ADK: variants seen among roughly 807,000 people sequenced by gnomAD.
The protein encoded by ADK is N6,N6-dimethyladenosine kinase.
Under a neutral mutation model 44.7 loss-of-function variants are expected in ADK, and 24 were observed. That is an observed-to-expected ratio of 0.54 (90% CI 0.39 to 0.76). The LOEUF is 0.76. Ranked by LOEUF, ADK falls within the 30% of genes least tolerant of loss-of-function variation. The pLI, the probability that ADK is intolerant of heterozygous loss-of-function variation, is 0.00. For synonymous variants in ADK, 128 were observed against 142.6 expected (o/e 0.90, Z 0.73); for missense variants, 321 against 425.1 (o/e 0.76, Z 2.15).
At chr10:74,196,467 G>A (rs1169190309) in intron 1 of ADK, among the ~76,000 whole-genome samples, 1 of 152,118 alleles carries the variant, frequency 6.6e-6, no homozygotes, top group African/African-American at 2.4e-5. Context: ...TTGAACCTGG[G>A]AGGCGGAGTT....
chr10:74,683,495 A>G (rs1000897227), intron 10 of ADK, among the ~76,000 whole-genome samples: 1 of 152,216 alleles, frequency 6.6e-6, no homozygotes, highest in African/African-American at 2.4e-5. Context: ...TTTCATTAAT[A>G]GAAAGAAGGT....
At chr10:74,346,727 A>C (rs960846517) in intron 4 of ADK, among the ~76,000 whole-genome samples, 1 of 152,138 alleles carries the variant, frequency 6.6e-6, no homozygotes, top group African/African-American at 2.4e-5. Flanking sequence ...TTAGAGTGCC[A>C]CGACAGTTCC....
intron 1 of ADK, among the ~76,000 whole-genome samples, chr10:74,185,554 C>T (rs1248489102): frequency 2.0e-5 from 3 of 149,688 alleles, no homozygotes; most frequent in East Asian, 1.9e-4. Flanking sequence ...AGTCGTCGGC[C>T]GGGCGCGGTG....
At chr10:74,683,883 C>T (rs906381777) in intron 10 of ADK, among the ~76,000 whole-genome samples, 3 of 152,186 alleles carry the variant, frequency 2.0e-5, no homozygotes, top group Non-Finnish European at 4.4e-5. Context: ...ACAACCTTAT[C>T]GATGGGCCTC....
intron 6 of ADK, among the ~76,000 whole-genome samples, chr10:74,509,742 C>G (rs79634176): frequency 6.6e-6 from 1 of 152,174 alleles, no homozygotes; most frequent in East Asian, 1.9e-4. Flanking sequence ...TCCTTTCCCC[C>G]TACTTTCCCA....
At chr10:74,472,237 A>G (rs1846618956) in intron 6 of ADK, among the ~76,000 whole-genome samples, 1 of 152,018 alleles carries the variant, frequency 6.6e-6, no homozygotes, top group African/African-American at 2.4e-5. Context: ...TCCTTGCTTT[A>G]TTCATTGTCT....
intron 7 of ADK, among the ~76,000 whole-genome samples, chr10:74,548,213 TC>T (rs1252768101): frequency 1.8e-4 from 27 of 152,318 alleles, no homozygotes; most frequent in African/African-American, 5.3e-4. Flanking sequence ...CTGTTTGTTT[TC>T]TTTTCAGTAT....
intron 9 of ADK, among the ~76,000 whole-genome samples, chr10:74,640,725 A>G (rs1853813379): frequency 2.0e-5 from 3 of 152,186 alleles, no homozygotes; most frequent in African/African-American, 7.2e-5. Flanking sequence ...TATATAAACA[A>G]ATGGGTGTGG....
At chr10:74,254,838 A>G (rs1304714217) in intron 3 of ADK, among the ~76,000 whole-genome samples, 1 of 152,206 alleles carries the variant, frequency 6.6e-6, no homozygotes, top group East Asian at 1.9e-4. Flanking sequence ...GCCAAGTGTG[A>G]TACCTTCCTT....
At chr10:74,446,356 C>G (rs1845586028) in intron 6 of ADK, among the ~76,000 whole-genome samples, 1 of 151,974 alleles carries the variant, frequency 6.6e-6, no homozygotes. Flanking sequence ...TTTAAAAAAC[C>G]TATTTTCCAG....
intron 3 of ADK, among the ~76,000 whole-genome samples, chr10:74,234,806 A>G (rs1362010978): frequency 4.6e-5 from 7 of 152,156 alleles, no homozygotes; most frequent in African/African-American, 1.7e-4. Flanking sequence ...GACTTTTTCA[A>G]TAATTTAGAA....
chr10:74,705,320 G>A (rs1464480566), intron 10 of ADK, among the ~76,000 whole-genome samples: 3 of 152,326 alleles, frequency 2.0e-5, no homozygotes, highest in African/African-American at 7.2e-5. Context: ...CCCCTAAGGG[G>A]AAGGTAGCCC....
chr10:74,199,866 G>A (rs1485512392), intron 1 of ADK, among the ~76,000 whole-genome samples: 1 of 151,866 alleles, frequency 6.6e-6, no homozygotes, highest in Non-Finnish European at 1.5e-5. Context: ...TTTTTATACA[G>A]ATGGGGTTTC....
chr10:74,332,575 T>C (rs1380628834), intron 4 of ADK, among the ~76,000 whole-genome samples: 3 of 152,188 alleles, frequency 2.0e-5, no homozygotes, highest in African/African-American at 7.2e-5. Context: ...AAACCATATG[T>C]AGCTTTTTTA....
At chr10:74,478,757 G>A (rs937370351) in intron 6 of ADK, among the ~76,000 whole-genome samples, 2 of 152,080 alleles carry the variant, frequency 1.3e-5, no homozygotes, top group African/African-American at 4.8e-5. Flanking sequence ...TTAATACTTA[G>A]CATATAGCTA....
chr10:74,431,494 A>T (rs1258937179), intron 6 of ADK, among the ~76,000 whole-genome samples: 3 of 152,156 alleles, frequency 2.0e-5, no homozygotes, highest in African/African-American at 7.2e-5. Context: ...TAATCCCAAC[A>T]CTTTGGGAGG....
intron 6 of ADK, among the ~76,000 whole-genome samples, chr10:74,524,811 T>C (rs929749111): frequency 6.6e-6 from 1 of 152,202 alleles, no homozygotes; most frequent in African/African-American, 2.4e-5. Context: ...GGTAGGAGGA[T>C]TGCTTTATCC....
chr10:74,690,757 C>T (rs1302047818), intron 10 of ADK, among the ~76,000 whole-genome samples: 2 of 152,146 alleles, frequency 1.3e-5, no homozygotes, highest in Admixed American at 6.5e-5. Flanking sequence ...AAAGTGCATA[C>T]GTGGCTTTCT....
At chr10:74,314,926 T>C (rs1363047082) in intron 4 of ADK, among the ~76,000 whole-genome samples, 181 bp downstream of exon 4, 2 of 152,180 alleles carry the variant, frequency 1.3e-5, no homozygotes, top group Non-Finnish European at 2.9e-5. Flanking sequence ...TCTTTGGTTA[T>C]TGGTAAGCTT....
Sources: gnomAD v4.1 joint callset for allele counts (sites outside exome capture counted in the v4.1 genomes callset) on GRCh38, gnomAD v4.1.1 for gene constraint, MANE v1.5 for transcripts, NCBI Gene and HGNC (gene_info 2026-07-23, HGNC 2026-07-21) for gene names.